Variants in DAB2IP observed in about 807,000 individuals in gnomAD.
DAB2IP encodes DAB2 interacting protein.
A neutral mutation model predicts 107.2 loss-of-function variants in DAB2IP; 28 were observed. That is an observed-to-expected ratio of 0.26 (90% CI 0.19 to 0.36). DAB2IP has a LOEUF of 0.36. Among genes scored for constraint, DAB2IP ranks in the 10% least tolerant of loss-of-function variants. The pLI, the probability that DAB2IP is intolerant of heterozygous loss-of-function variation, is 1.00. For missense variants in DAB2IP, 1,400 were observed against 1,644.7 expected (o/e 0.85, Z 2.57); for synonymous variants, 755 against 706.4 (o/e 1.07, Z -1.09).
chr9:121,572,283 C>T (rs1315274900), intron 1 of DAB2IP, among the ~76,000 whole-genome samples: 1 of 152,106 alleles, frequency 6.6e-6, no homozygotes, highest in East Asian at 1.9e-4. Context: ...AGCCTGACTC[C>T]CACATGAGAC....
At chr9:121,587,700 C>A (rs1206560794) in intron 1 of DAB2IP, among the ~76,000 whole-genome samples, 1 of 151,124 alleles carries the variant, frequency 6.6e-6, no homozygotes, top group Non-Finnish European at 1.5e-5. Context: ...AGGGTTTGGA[C>A]AATGGGGAGC....
At chr9:121,725,216 C>G (rs13290547) in intron 3 of DAB2IP, among the ~76,000 whole-genome samples, 1 of 152,128 alleles carries the variant, frequency 6.6e-6, no homozygotes, top group South Asian at 2.1e-4. Flanking sequence ...GTTGTCGTCA[C>G]GTCTTCTTAA....
exon 2 of DAB2IP, chr9:121,678,772 C>A: frequency 6.3e-7 from 1 of 1,592,224 alleles, no homozygotes. Context: ...CCACGCCGTT[C>A]CGGGTCACGG....
At chr9:121,756,953 A>G (rs1833537458) in intron 3 of DAB2IP, 60 bp from the exon 4 acceptor site, 2 of 1,610,584 alleles carry the variant, frequency 1.2e-6, no homozygotes, top group Non-Finnish European at 1.7e-6. Flanking sequence ...TGGGTGGGAC[A>G]TGGCAACCAG....
At position 121,609,461 on chromosome 9, in the gene DAB2IP, C is replaced by T. The variant is rs78337937; in HGVS notation, c.40+42233C>T. ...CTCCACTTCTCACTTCCATCCCTCC[C>T]GCTTTGGGACCCCCATTCGGCTCCC... On this transcript the variant is annotated intron_variant, in intron 1 of 16. Coordinates refer to the DAB2IP transcript ENST00000259371. Among the ~76,000 whole-genome samples the T allele has an allele frequency of 2.8e-3, 432 of 152,340 alleles. 1 individual carries two copies. The highest frequency in any genetic ancestry group is 9.7e-3 in the African/African-American group (405 of 41,576).
intron 3 of DAB2IP, among the ~76,000 whole-genome samples, chr9:121,725,897 G>A (rs1013436772): frequency 2.0e-5 from 3 of 152,198 alleles, no homozygotes; most frequent in African/African-American, 7.2e-5. Context: ...ATGGGACCTA[G>A]ATAGATCAGC....
intron 3 of DAB2IP, among the ~76,000 whole-genome samples, chr9:121,731,004 T>C (rs1027502208): frequency 2.0e-5 from 3 of 152,216 alleles, no homozygotes; most frequent in South Asian, 2.1e-4. Context: ...CATCGTTCTC[T>C]CCAGATACCT....
intron 1 of DAB2IP, among the ~76,000 whole-genome samples, chr9:121,637,024 A>C (rs565363243): frequency 2.8e-4 from 42 of 152,066 alleles, no homozygotes; most frequent in Non-Finnish European, 5.4e-4. Context: ...CCTTCTGGAC[A>C]CTTTGTTTTG....
chr9:121,619,647 T>C (rs16910781), intron 1 of DAB2IP, among the ~76,000 whole-genome samples: 159 of 152,338 alleles, frequency 1.0e-3, no homozygotes, highest in African/African-American at 3.7e-3. Context: ...TTTTTCCTAG[T>C]TGGGACTTGG....
intron 1 of DAB2IP, among the ~76,000 whole-genome samples, chr9:121,592,950 G>A (rs976689893): frequency 6.6e-6 from 1 of 152,076 alleles, no homozygotes; most frequent in East Asian, 1.9e-4. Flanking sequence ...GTTGTACAGC[G>A]CCTCACTCAG....
At position 121,634,635 on chromosome 9, in the gene DAB2IP, G is replaced by A. The variant is rs534213933; in HGVS notation, c.41-44043G>A. ...CACTGTCAGCGCCAAAGAGGAAGTG[G>A]GGAGGCCCTCGTGGGAGTGTGGAAG... is the stretch of plus-strand genomic sequence containing the variant. On this transcript the variant is annotated intron_variant, in intron 1 of 16. Coordinates refer to the DAB2IP transcript ENST00000259371. This position sits in a 1 kb window ranked among gnomAD's most constrained non-coding sequence, Gnocchi z 4.7. Among the ~76,000 whole-genome samples, 74 of 152,306 alleles carry A rather than the reference G, an allele frequency of 4.9e-4. No homozygotes were observed. Among genetic ancestry groups the A allele is most frequent in the African/African-American group, 1.8e-3 (74 of 41,568 alleles).
intron 3 of DAB2IP, among the ~76,000 whole-genome samples, chr9:121,709,390 G>A (rs1589557807): frequency 6.6e-6 from 1 of 152,194 alleles, no homozygotes; most frequent in Non-Finnish European, 1.5e-5. Flanking sequence ...CACTGCCCGT[G>A]AGTGGCCACT....
chr9:121,720,094 G>A (rs1830835893), intron 3 of DAB2IP, among the ~76,000 whole-genome samples: 1 of 152,228 alleles, frequency 6.6e-6, no homozygotes, highest in African/African-American at 2.4e-5. Context: ...GCAGCCTACA[G>A]CTGGGCAGCT....
chr9:121,694,220 G>A (rs780965928), intron 2 of DAB2IP, among the ~76,000 whole-genome samples: 3 of 152,228 alleles, frequency 2.0e-5, no homozygotes, highest in Middle Eastern at 3.4e-3. Context: ...GAGTCCCCAC[G>A]CTGCCCATCC....
intron 1 of DAB2IP, among the ~76,000 whole-genome samples, chr9:121,644,234 A>G (rs73546152): frequency 0.089 from 12,351 of 139,096 alleles, 1,678 homozygotes; most frequent in African/African-American, 0.3. Context: ...GAAGGGGAAG[A>G]GGAAGGAAAC....
rs934392744 is a variant in DAB2IP at position 121,701,641 on chromosome 9, G to T, written c.362+2183G>T. Among the ~76,000 whole-genome samples the T allele has an allele frequency of 6.6e-6, 1 of 152,182 alleles. No individual in the cohort carries two copies. The highest frequency in any genetic ancestry group is 1.5e-5 in the Non-Finnish European group (1 of 68,028). On this transcript the variant is annotated intron_variant, in intron 3 of 15. Transcript: ENST00000408936. The surrounding 1 kb of genome is among the most constrained non-coding windows in gnomAD (Gnocchi z 4.7). ...CAGGACTGGGGTCTCCTGATTTGCT[G>T]CTTTGCTTAGGAACAGATTCGTCGG...
chr9:121,782,532 A>T lies in DAB2IP; in HGVS notation c.*34A>T, dbSNP rs1295593951. Reference sequence around the variant, plus strand: ...AGGAGGGAGGAAGCTACCCAAGGAGAGGGGGACTATGGTGGCCAAGGGCAG... The same window carrying T: ...AGGAGGGAGGAAGCTACCCAAGGAGTGGGGGACTATGGTGGCCAAGGGCAG... On this transcript the variant is annotated 3_prime_UTR_variant, in exon 16 of 16. Transcript: ENST00000408936. This position sits in a 1 kb window ranked among gnomAD's most constrained non-coding sequence, Gnocchi z 6.1. The T allele has an allele frequency of 1.2e-6, 2 of 1,608,882 alleles. No homozygotes were observed. The highest frequency in any genetic ancestry group is 1.1e-5 in the South Asian group (1 of 90,508).
intron 1 of DAB2IP, among the ~76,000 whole-genome samples, chr9:121,629,032 C>T (rs1831773946): frequency 6.6e-6 from 1 of 152,180 alleles, no homozygotes; most frequent in African/African-American, 2.4e-5. Context: ...TCACTTGCGC[C>T]TGGAGTGATG....
chr9:121,716,768 T>C (rs1050471411), intron 3 of DAB2IP, among the ~76,000 whole-genome samples: 4 of 152,160 alleles, frequency 2.6e-5, no homozygotes, highest in African/African-American at 9.7e-5. Context: ...TTTCCCAGAT[T>C]GGCCAAAGAC....
Sources: gnomAD v4.1 joint callset for allele counts (sites outside exome capture counted in the v4.1 genomes callset) on GRCh38, gnomAD v4.1.1 for gene constraint, Gnocchi (gnomAD v3.1) non-coding constraint, MANE v1.5 for transcripts, NCBI Gene and HGNC (gene_info 2026-07-23, HGNC 2026-07-21) for gene names.